Variants in C1orf141 observed in about 807,000 individuals in gnomAD.
C1orf141 encodes uncharacterized protein C1orf141.
In C1orf141, 19 loss-of-function variants were observed where a neutral mutation model predicts 23.2. The observed-to-expected ratio is 0.82, with a 90% CI of 0.57 to 1.20. The LOEUF is 1.20. Ranked by LOEUF, C1orf141 falls within the 50% of genes most tolerant of loss-of-function variation. The pLI, the probability that C1orf141 is intolerant of heterozygous loss-of-function variation, is 0.00. For missense variants in C1orf141, 469 were observed against 455.1 expected (o/e 1.03, Z -0.28); for synonymous variants, 153 against 154.6 (o/e 0.99, Z 0.08).
At chr1:67,101,643 T>C (rs1645802621) in intron 5 of C1orf141, among the ~76,000 whole-genome samples, 1 of 152,114 alleles carries the variant, frequency 6.6e-6, no homozygotes, top group African/African-American at 2.4e-5. Flanking sequence ...CAGATTTTCT[T>C]TGAGTTAGGG....
intron 7 of C1orf141, 152 bp downstream of exon 7, chr1:67,095,083 A>G: frequency 1.9e-6 from 1 of 528,038 alleles, no homozygotes; most frequent in South Asian, 3.3e-5. Flanking sequence ...TGCAAAGTGC[A>G]TTAAGAACTT....
chr1:67,129,843 G>A (rs1259605273), intron 2 of C1orf141, among the ~76,000 whole-genome samples: 1 of 152,116 alleles, frequency 6.6e-6, no homozygotes, highest in Non-Finnish European at 1.5e-5. Context: ...CCTCACTAGT[G>A]CCAATTTGTA....
rs770974332 is a variant in C1orf141, at chr1:67,125,697, CACAA to C, written c.233+51_233+54del. ...CTAGGCAATGAGTGAGTCCTTGTTT[CACAA>C]ACAAACAAACAAATTCTGAACTGAA... is the stretch of plus-strand genomic sequence containing the variant. On this transcript the variant is annotated intron_variant, in intron 4 of 7. Transcript: ENST00000684719. 6.3e-5 allele frequency: 97 copies of C among 1,536,828 alleles called. 1 individual carries two copies. Among genetic ancestry groups the C allele is most frequent in the Middle Eastern group, 3.5e-4 (2 of 5,766 alleles).
At chr1:67,122,907 A>G (rs1646327411) in intron 4 of C1orf141, 1 of 152,160 alleles carries the variant, frequency 6.6e-6, no homozygotes, top group Non-Finnish European at 1.5e-5. Context: ...AGTACTCTTA[A>G]AAGTTCAGTG....
intron 5 of C1orf141, among the ~76,000 whole-genome samples, chr1:67,108,020 A>G (rs917827486): frequency 6.6e-6 from 1 of 152,174 alleles, no homozygotes; most frequent in Non-Finnish European, 1.5e-5. Flanking sequence ...TATACACAGA[A>G]CAGTTAGGTT....
chr1:67,122,816 G>A (rs915504834), intron 4 of C1orf141: 2 of 151,998 alleles, frequency 1.3e-5, no homozygotes, highest in Admixed American at 6.6e-5. Context: ...GCCTTATGTT[G>A]CCATTGTTTT....
intron 5 of C1orf141, among the ~76,000 whole-genome samples, chr1:67,111,364 T>C (rs1646068260): frequency 6.6e-6 from 1 of 152,190 alleles, no homozygotes; most frequent in Non-Finnish European, 1.5e-5. Context: ...ATCTCTACTG[T>C]ATTGAAATAT....
chr1:67,111,113 A>G (rs1467220906), intron 5 of C1orf141, among the ~76,000 whole-genome samples: 1 of 151,966 alleles, frequency 6.6e-6, no homozygotes, highest in Non-Finnish European at 1.5e-5. Context: ...TGAAGTGATT[A>G]TCAAGAGTCA....
chr1:67,137,447 T>C (rs1646595505), upstream of C1orf141, among the ~76,000 whole-genome samples: 1 of 152,198 alleles, frequency 6.6e-6, no homozygotes, highest in Non-Finnish European at 1.5e-5. Context: ...CACCCAATCA[T>C]TGTGTTCAGA....
At chr1:67,132,105 G>GTC (rs1258386583) in intron 1 of C1orf141, among the ~76,000 whole-genome samples, 1 of 151,296 alleles carries the variant, frequency 6.6e-6, no homozygotes, top group Non-Finnish European at 1.5e-5. Context: ...CCTTGGCATT[G>GTC]TCTCATTCCT....
At chr1:67,119,424 A>T (rs529777143) in intron 4 of C1orf141, among the ~76,000 whole-genome samples, 2 of 152,342 alleles carry the variant, frequency 1.3e-5, no homozygotes, top group East Asian at 3.9e-4. Flanking sequence ...TTGAGGAGTG[A>T]TTTGGTTCCT....
At chr1:67,101,012 T>A (rs1645785161) in intron 5 of C1orf141, among the ~76,000 whole-genome samples, 1 of 151,426 alleles carries the variant, frequency 6.6e-6, no homozygotes, top group African/African-American at 2.4e-5. Context: ...TGGGTTTCAT[T>A]TTTTTATCTC....
rs535752897 is a variant in C1orf141 at position 67,093,055 on chromosome 1, G to C, written c.1153C>G (p.Pro385Ala). The C allele has an allele frequency of 4.6e-5, 73 of 1,598,312 alleles. No individual in the cohort carries two copies. The East Asian group carries it at 1.5e-3, about 34-fold the overall frequency. ...GATAAGTTTAACAAATTATCCAGTGGCGTTACATTATTTAGTTCATATATA... is the reference window on the plus strand; with the variant it reads ...GATAAGTTTAACAAATTATCCAGTGCCGTTACATTATTTAGTTCATATATA... ...KYIYELNNVT[P>A]LDNLLNLSNE... Residue 385 changes from proline (P) to alanine (A), a missense_variant, in exon 8 of 8, where the codon CCA (proline) becomes GCA (alanine). Physicochemically the swap from Pro to Ala is conservative, Grantham distance 27. Transcript: ENST00000684719.
chr1:67,126,271 C>T (rs775912107), intron 3 of C1orf141, among the ~76,000 whole-genome samples: 2 of 152,200 alleles, frequency 1.3e-5, no homozygotes, highest in African/African-American at 2.4e-5. Context: ...GCCTGCTCCT[C>T]TTCCTGTAGC....
chr1:67,127,837 G>A, intron 2 of C1orf141, among the ~76,000 whole-genome samples: 1 of 152,046 alleles, frequency 6.6e-6, no homozygotes, highest in South Asian at 2.1e-4. Context: ...GGTTCATCAT[G>A]TTGGCCAGGC....
chr1:67,113,749 A>G, intron 5 of C1orf141: 2 of 1,244,332 alleles, frequency 1.6e-6, no homozygotes, highest in Non-Finnish European at 2.1e-6. Context: ...CCTACTTTTA[A>G]AAGATCACTA....
At chr1:67,111,366 T>C (rs187194486) in intron 5 of C1orf141, among the ~76,000 whole-genome samples, 3 of 152,280 alleles carry the variant, frequency 2.0e-5, no homozygotes, top group Admixed American at 6.5e-5. Flanking sequence ...CTCTACTGTA[T>C]TGAAATATCT....
Position 67,095,380 on chromosome 1 carries a change from T to C in C1orf141, c.458A>G (p.Asn153Ser). ...PQMNDFNIKE[N>S]KSVRNYQLSK... ...TAATTGATAATTTCTGACCGATTTG[T>C]TTTCTTTTATATTAAAATCGTTCAT... The change falls in exon 7 of 8, where the codon AAC becomes AGC. Residue 153 changes from asparagine to serine, a missense_variant. Coordinates refer to ENST00000684719, the MANE Select transcript of C1orf141 (RefSeq NM_001276351.2). 1 of 1,563,694 alleles carries C rather than the reference T, an allele frequency of 6.4e-7. No homozygotes were observed. Among genetic ancestry groups the C allele is most frequent in the Non-Finnish European group, 8.7e-7 (1 of 1,148,466 alleles).
At chr1:67,100,866 G>T (rs1378124001) in intron 5 of C1orf141, among the ~76,000 whole-genome samples, 1 of 152,136 alleles carries the variant, frequency 6.6e-6, no homozygotes, top group Non-Finnish European at 1.5e-5. Context: ...ACCTCAGTAG[G>T]CTGCTAAGGA....
Sources: allele counts gnomAD v4.1 joint callset (sites outside exome capture counted in the v4.1 genomes callset), GRCh38; gene constraint gnomAD v4.1.1; transcripts MANE v1.5; gene names NCBI Gene and HGNC (gene_info 2026-07-23, HGNC 2026-07-21).